RTN4RL1: variants seen among roughly 807,000 people sequenced by gnomAD.
RTN4RL1 encodes the protein reticulon 4 receptor like 1.
RTN4RL1 carries 7 observed loss-of-function variants against 25.6 expected under a neutral mutation model. That is an observed-to-expected ratio of 0.27 (90% CI 0.16 to 0.51). The LOEUF is 0.51. RTN4RL1 is among the 20% of genes least tolerant of loss of function. The pLI is 0.97. For missense variants in RTN4RL1, 500 were observed against 615.6 expected (o/e 0.81, Z 1.99); for synonymous variants, 297 against 288.2 (o/e 1.03, Z -0.31).
chr17:1,980,864 G>GC (rs11434394), intron 1 of RTN4RL1, among the ~76,000 whole-genome samples: 78,386 of 146,554 alleles, frequency 0.53, 21,058 homozygotes, highest in Middle Eastern at 0.64. Flanking sequence ...GGAGGTGGCA[G>GC]TGCGGTGTGC....
chr17:1,944,159 G>A (rs1401432026), intron 1 of RTN4RL1, among the ~76,000 whole-genome samples: 2 of 151,448 alleles, frequency 1.3e-5, no homozygotes, highest in Admixed American at 6.6e-5. Flanking sequence ...TCCTGGGCTC[G>A]GCCTCCCGAA....
chr17:1,942,327 TG>T (rs1378138550), intron 1 of RTN4RL1, among the ~76,000 whole-genome samples: 1 of 141,888 alleles, frequency 7.0e-6, no homozygotes, highest in Admixed American at 6.8e-5. Context: ...CCCCGGGGTG[TG>T]GGGGGTGCCA....
At chr17:2,004,568 G>A (rs1030002199) in intron 1 of RTN4RL1, among the ~76,000 whole-genome samples, 1 of 152,086 alleles carries the variant, frequency 6.6e-6, no homozygotes, top group Admixed American at 6.6e-5. Flanking sequence ...CCAGTGTTCT[G>A]GGGAGGCCTT....
At chr17:1,954,286 T>A (rs577542670) in intron 1 of RTN4RL1, among the ~76,000 whole-genome samples, 81 of 152,250 alleles carry the variant, frequency 5.3e-4, no homozygotes, top group African/African-American at 1.9e-3. Context: ...ACTGGGCAAC[T>A]CTGTGATTTG....
chr17:1,975,433 T>C (rs766829564), intron 1 of RTN4RL1, among the ~76,000 whole-genome samples: 1 of 152,032 alleles, frequency 6.6e-6, no homozygotes, highest in Non-Finnish European at 1.5e-5. Context: ...GGTGGATCAC[T>C]TGAGGTCAGG....
At chr17:1,972,801 C>A (rs1281546728) in intron 1 of RTN4RL1, among the ~76,000 whole-genome samples, 1 of 152,200 alleles carries the variant, frequency 6.6e-6, no homozygotes, top group East Asian at 1.9e-4. Context: ...TCCACAGGCC[C>A]ATTTTCTATG....
Position 1,998,885 on chromosome 17 carries a change from TACGCGCTCATCCC to T in RTN4RL1, c.13+25955_13+25967del, listed in dbSNP as rs549785292. Reference sequence around the variant, plus strand: ...ACGACCCCGGAGCCCCTTTATTCTCTACGCGCTCATCCCACGCGCAGAACAGACACAGGCCCTG... The same window carrying T: ...ACGACCCCGGAGCCCCTTTATTCTCTACGCGCAGAACAGACACAGGCCCTG... On this transcript the variant is annotated intron_variant, in intron 1 of 1. Coordinates refer to ENST00000331238, the MANE Select transcript of RTN4RL1 (RefSeq NM_178568.4). This position sits in a 1 kb window ranked among gnomAD's most constrained non-coding sequence, Gnocchi z 4.9. Among the ~76,000 whole-genome samples, 115 of 151,918 alleles carry T rather than the reference TACGCGCTCATCCC, an allele frequency of 7.6e-4. 1 individual carries two copies. The East Asian group carries it at 0.02, about 27-fold the overall frequency.
intron 1 of RTN4RL1, among the ~76,000 whole-genome samples, chr17:1,965,733 C>T (rs1243980451): frequency 1.3e-5 from 2 of 152,178 alleles, no homozygotes; most frequent in Non-Finnish European, 2.9e-5. Flanking sequence ...CCCCTGGCCC[C>T]GCCAGGCCCC....
chr17:1,994,271 G>C lies in RTN4RL1; in HGVS notation c.13+30582C>G, dbSNP rs761506282. Reference sequence around the variant, plus strand: ...AGCGGCTTTCACTCCATCCCTTATGGGGATAGTGAGGAGGGAGTCCAGGGA... The same window carrying C: ...AGCGGCTTTCACTCCATCCCTTATGCGGATAGTGAGGAGGGAGTCCAGGGA... On this transcript the variant is annotated intron_variant, in intron 1 of 1. Coordinates refer to ENST00000331238, the MANE Select transcript of RTN4RL1 (RefSeq NM_178568.4). This position sits in a 1 kb window ranked among gnomAD's most constrained non-coding sequence, Gnocchi z 4.3. 2.6e-5 allele frequency among the ~76,000 whole-genome samples: 4 copies of C among 151,960 alleles called. No homozygotes were observed. The highest frequency in any genetic ancestry group is 4.8e-5 in the African/African-American group (2 of 41,360).
intron 1 of RTN4RL1, among the ~76,000 whole-genome samples, chr17:1,943,849 G>A (rs1289537843): frequency 6.6e-6 from 1 of 152,198 alleles, no homozygotes; most frequent in Non-Finnish European, 1.5e-5. Context: ...GGGTGTGCAG[G>A]ATGGGCAGGG....
At chr17:1,984,100 C>T (rs2066878544) in intron 1 of RTN4RL1, among the ~76,000 whole-genome samples, 1 of 152,216 alleles carries the variant, frequency 6.6e-6, no homozygotes, top group Admixed American at 6.5e-5. Context: ...CCCATTTAGT[C>T]ACAATATCAC....
chr17:1,973,992 T>C (rs1177182577), intron 1 of RTN4RL1, among the ~76,000 whole-genome samples: 3 of 147,410 alleles, frequency 2.0e-5, no homozygotes, highest in African/African-American at 7.7e-5. Context: ...TGAGCCGAGA[T>C]TGCGCCACTG....
intron 1 of RTN4RL1, among the ~76,000 whole-genome samples, chr17:2,014,605 G>A (rs1015027930): frequency 2.0e-5 from 3 of 152,206 alleles, no homozygotes; most frequent in Non-Finnish European, 4.4e-5. Context: ...GCCGACGCAG[G>A]CAGATCACCT....
At chr17:1,981,645 C>T (rs1439099108) in intron 1 of RTN4RL1, among the ~76,000 whole-genome samples, 1 of 152,222 alleles carries the variant, frequency 6.6e-6, no homozygotes, top group Admixed American at 6.5e-5. Flanking sequence ...TCCAGCTGAG[C>T]CTGCTCCAGC....
chr17:1,978,266 C>T (rs947426936), intron 1 of RTN4RL1, among the ~76,000 whole-genome samples: 2 of 152,246 alleles, frequency 1.3e-5, no homozygotes, highest in Non-Finnish European at 2.9e-5. Context: ...CCCGTGCAAG[C>T]GGCCTCCAGG....
intron 1 of RTN4RL1, among the ~76,000 whole-genome samples, chr17:2,006,156 CA>C (rs2066993938): frequency 7.0e-6 from 1 of 142,010 alleles, no homozygotes. Flanking sequence ...GGGAGGTTTG[CA>C]ATTTTTTTTT....
At chr17:1,992,371 A>C (rs970554726) in intron 1 of RTN4RL1, among the ~76,000 whole-genome samples, 10 of 151,848 alleles carry the variant, frequency 6.6e-5, no homozygotes, top group Admixed American at 2.0e-4. Flanking sequence ...AAAAAAAAAA[A>C]AAAAAAGAAA....
Position 1,998,398 on chromosome 17 carries a change from G to C in RTN4RL1, c.13+26455C>G, listed in dbSNP as rs2066939860. ...TGAGAGATCGGGGTTACCGCGCGGGGAGCCGCGGCCGCGCTGGGATCCGTT... is the reference window on the plus strand; with the variant it reads ...TGAGAGATCGGGGTTACCGCGCGGGCAGCCGCGGCCGCGCTGGGATCCGTT... On this transcript the variant is annotated intron_variant, in intron 1 of 1. Coordinates refer to ENST00000331238, the MANE Select transcript of RTN4RL1 (RefSeq NM_178568.4). This position sits in a 1 kb window ranked among gnomAD's most constrained non-coding sequence, Gnocchi z 4.9. Among the ~76,000 whole-genome samples, 1 of 152,144 alleles carries C rather than the reference G, an allele frequency of 6.6e-6. No individual in the cohort carries two copies. Among genetic ancestry groups the C allele is most frequent in the South Asian group, 2.1e-4 (1 of 4,824 alleles).
chr17:1,951,462 GT>G (rs1355189513), intron 1 of RTN4RL1, among the ~76,000 whole-genome samples: 1 of 150,784 alleles, frequency 6.6e-6, no homozygotes, highest in Non-Finnish European at 1.5e-5. Flanking sequence ...TTGTTTGTTT[GT>G]TTTTTTGGGA....
Sources: gnomAD v4.1 joint callset for allele counts (sites outside exome capture counted in the v4.1 genomes callset) on GRCh38, gnomAD v4.1.1 for gene constraint, Gnocchi (gnomAD v3.1) non-coding constraint, MANE v1.5 for transcripts, NCBI Gene and HGNC (gene_info 2026-07-23, HGNC 2026-07-21) for gene names.